The following SYNPO2 variants were observed in gnomAD, a reference collection of about 807,000 sequenced individuals.
SYNPO2 encodes synaptopodin 2.
SYNPO2 carries 56 observed loss-of-function variants against 85.0 expected under a neutral mutation model. The observed-to-expected ratio is 0.66, with a 90% CI of 0.53 to 0.82. The LOEUF (loss-of-function observed/expected upper bound fraction) is 0.82, where lower values mean the gene tolerates loss of function less well. Ranked by LOEUF, SYNPO2 falls within the 40% of genes least tolerant of loss-of-function variation. The pLI is 0.00. For synonymous variants in SYNPO2, 602 were observed against 591.1 expected (o/e 1.02, Z -0.27); for missense variants, 1,575 against 1,534.2 (o/e 1.03, Z -0.44).
chr4:118,872,339 T>C (rs188789219), intron 1 of SYNPO2, among the ~76,000 whole-genome samples: 13 of 152,288 alleles, frequency 8.5e-5, no homozygotes, highest in African/African-American at 2.6e-4. Context: ...TCACAACCCG[T>C]GGTCATAAGA....
intron 1 of SYNPO2, among the ~76,000 whole-genome samples, chr4:119,002,657 C>T (rs1170301013): frequency 1.3e-5 from 2 of 152,180 alleles, no homozygotes; most frequent in African/African-American, 4.8e-5. Flanking sequence ...TCTTCTTAAT[C>T]ATCCTGGGGA....
chr4:119,031,350 G>A lies in SYNPO2; in HGVS notation c.2575G>A (p.Val859Met), dbSNP rs750085659. The change falls in exon 4 of 5, where the codon GTG (valine) becomes ATG (methionine). Residue 859 changes from valine (V) to methionine (M), a missense_variant. Physicochemically the swap from Val to Met is conservative, Grantham distance 21. Transcript: ENST00000307142. The part of the protein sequence containing the change: ...PTVNAVQPGA[V>M]GPSNELPGMS... ...AGTCAATGCTGTTCAGCCTGGTGCA[G>A]TGGGACCATCCAATGAGCTTCCAGG... The A allele has an allele frequency of 4.3e-6, 7 of 1,614,156 alleles. No homozygotes were observed. The highest frequency in any genetic ancestry group is 5.9e-6 in the Non-Finnish European group (7 of 1,180,038).
intron 1 of SYNPO2, among the ~76,000 whole-genome samples, chr4:118,869,939 A>G (rs917400955): frequency 6.6e-6 from 1 of 152,254 alleles, no homozygotes; most frequent in African/African-American, 2.4e-5. Flanking sequence ...TGAGTCAAAA[A>G]GTGACATCAC....
chr4:118,949,169 A>G (rs1309387315), intron 1 of SYNPO2, among the ~76,000 whole-genome samples: 1 of 152,140 alleles, frequency 6.6e-6, no homozygotes, highest in Non-Finnish European at 1.5e-5. Flanking sequence ...AAATTGTAGG[A>G]ATGACAATGG....
chr4:119,053,737 A>C (rs1171499587), intron 4 of SYNPO2, among the ~76,000 whole-genome samples: 1 of 152,240 alleles, frequency 6.6e-6, no homozygotes, highest in African/African-American at 2.4e-5. Context: ...CTCAGTGCAT[A>C]AGAGAAACAC....
At chr4:118,923,485 C>T (rs1733606513) in intron 1 of SYNPO2, among the ~76,000 whole-genome samples, 1 of 152,050 alleles carries the variant, frequency 6.6e-6, no homozygotes. Flanking sequence ...GTACACCAAA[C>T]CTCCATGACA....
In SYNPO2 at chr4:119,031,783, A is replaced by G. The variant is rs1738279577; in HGVS notation, c.3008A>G (p.Lys1003Arg). The change falls in exon 4 of 5, where the codon AAG (lysine) becomes AGG (arginine). Residue 1003 changes from lysine (K) to arginine (R), a missense_variant. Physicochemically the swap from Lys to Arg is conservative, Grantham distance 26. This residue lies in a region of SYNPO2 where 1,508 missense variants were observed against 1,446.8 expected (regional missense o/e 1.04). Coordinates refer to ENST00000307142, the MANE Select transcript of SYNPO2 (RefSeq NM_133477.3). ...SVKVNSALAM[K>R]QALPPRPVNA... is the part of the protein sequence containing the mutation. The stretch of plus-strand genomic sequence containing the variant: ...AAGGTCAATTCAGCCCTGGCCATGA[A>G]GCAAGCTCTTCCTCCCCGGCCAGTG... 3.1e-6 allele frequency: 5 copies of G among 1,614,048 alleles called. No individual in the cohort carries two copies. The African/African-American group carries it at 4.0e-5, about 13-fold the overall frequency.
chr4:119,008,514 A>C (rs977956338), intron 1 of SYNPO2, among the ~76,000 whole-genome samples: 1 of 152,126 alleles, frequency 6.6e-6, no homozygotes, highest in Admixed American at 6.6e-5. Context: ...ATAGTAACAG[A>C]AATTATGATA....
chr4:118,964,000 G>A (rs554260758), intron 1 of SYNPO2, among the ~76,000 whole-genome samples: 2 of 152,318 alleles, frequency 1.3e-5, no homozygotes, highest in South Asian at 2.1e-4. Context: ...ACTGAGATGG[G>A]ATTGCATCCT....
At chr4:118,914,345 C>T (rs4834720) in intron 1 of SYNPO2, among the ~76,000 whole-genome samples, 3 of 152,054 alleles carry the variant, frequency 2.0e-5, no homozygotes, top group African/African-American at 7.2e-5. Flanking sequence ...GCTGAAATAC[C>T]TGAAGCAAGA....
At chr4:119,052,979 TA>T (rs773523355) in intron 4 of SYNPO2, among the ~76,000 whole-genome samples, 8 of 152,206 alleles carry the variant, frequency 5.3e-5, no homozygotes, top group Non-Finnish European at 1.2e-4. Flanking sequence ...ATAAAAATAT[TA>T]AATTCCCTTG....
intron 1 of SYNPO2, among the ~76,000 whole-genome samples, chr4:119,013,815 C>T (rs1192152628): frequency 3.3e-5 from 5 of 152,154 alleles, no homozygotes; most frequent in Admixed American, 2.6e-4. Context: ...CAAAATCACA[C>T]ATGCATAAAA....
chr4:119,059,121 T>C lies in SYNPO2; in HGVS notation c.*1187T>C, dbSNP rs771561691. On this transcript the variant is annotated 3_prime_UTR_variant, in exon 5 of 5. Transcript: ENST00000307142. The stretch of plus-strand genomic sequence containing the variant: ...CTCATAATATAAATATCAGATTATG[T>C]TTAGGAGTGGATTAGGTAATTAGTG... The C allele has an allele frequency of 1.3e-4, 20 of 152,124 alleles. No homozygotes were observed. The highest frequency in any genetic ancestry group is 1.9e-4 in the African/African-American group (8 of 41,416). The allele number at this position is 152,124 out of a possible 1,614,324, so 9.4% of individuals were successfully genotyped here.
At chr4:118,929,393 T>A (rs943557870) in intron 1 of SYNPO2, among the ~76,000 whole-genome samples, 1 of 152,114 alleles carries the variant, frequency 6.6e-6, no homozygotes, top group Non-Finnish European at 1.5e-5. Context: ...CATAAAGAAT[T>A]CTGAGTATCC....
intron 4 of SYNPO2, chr4:119,033,386 C>T (rs1738368088): frequency 1.0e-6 from 1 of 985,222 alleles, no homozygotes; most frequent in African/African-American, 1.7e-5. Context: ...TTTAATTGGC[C>T]ACACACCATG....
chr4:118,924,764 C>T (rs1327473688), intron 1 of SYNPO2, among the ~76,000 whole-genome samples: 2 of 152,170 alleles, frequency 1.3e-5, no homozygotes, highest in African/African-American at 4.8e-5. Context: ...ATTGGACAAT[C>T]TATCCTGCTG....
rs1166708724 is a variant in SYNPO2 at position 118,888,999 on chromosome 4, T to C, written c.-38T>C. The C allele has an allele frequency of 1.9e-6, 3 of 1,606,156 alleles. No individual in the cohort carries two copies. The highest frequency in any genetic ancestry group is 2.6e-6 in the Non-Finnish European group (3 of 1,173,432). On this transcript the variant is annotated 5_prime_UTR_variant, in exon 1 of 5. Transcript: ENST00000307142. ...CTACCGCACCCAAGCTTCGTCTGTCTCGTCAAGCTCTTCATGCTGCCCAAC... is the reference window on the plus strand; with the variant it reads ...CTACCGCACCCAAGCTTCGTCTGTCCCGTCAAGCTCTTCATGCTGCCCAAC...
chr4:119,054,543 C>A (rs745800933), intron 4 of SYNPO2, among the ~76,000 whole-genome samples: 13 of 152,120 alleles, frequency 8.5e-5, no homozygotes, highest in Non-Finnish European at 1.9e-4. Context: ...GAAGTCAGGT[C>A]ATCTCTTCTG....
At position 118,866,592 on chromosome 4, in the gene SYNPO2, T is replaced by C. The variant is rs560642090; in HGVS notation, c.12+15652T>C. 5.9e-5 allele frequency among the ~76,000 whole-genome samples: 9 copies of C among 152,328 alleles called. No individual in the cohort carries two copies. In the South Asian group the frequency reaches 1.9e-3, roughly 32 times the overall value. On this transcript the variant is annotated intron_variant, in intron 1 of 4. Coordinates refer to the SYNPO2 transcript ENST00000610556. ...CTGCTGAAACATATCCCCTTTGATA[T>C]GGTTTGGTTCTGTGTCCCCACCCAA...
Sources: allele counts gnomAD v4.1 joint callset (sites outside exome capture counted in the v4.1 genomes callset), GRCh38; gene constraint gnomAD v4.1.1; regional missense constraint gnomAD v4.1.1; transcripts MANE v1.5; gene names NCBI Gene and HGNC (gene_info 2026-07-23, HGNC 2026-07-21).